Variants in ERC2 observed in about 807,000 individuals in gnomAD.
ERC2 encodes ELKS/RAB6-interacting/CAST family member 2, also known as ERC protein 2.
A neutral mutation model predicts 114.8 loss-of-function variants in ERC2; 42 were observed. The observed-to-expected ratio is 0.37, with a 90% CI of 0.29 to 0.47. The LOEUF (loss-of-function observed/expected upper bound fraction) is 0.47, where lower values mean the gene tolerates loss of function less well. Among genes scored for constraint, ERC2 ranks in the 20% least tolerant of loss-of-function variants. The probability of loss-of-function intolerance (pLI) is 0.99; values close to 1 mark genes in which losing one functional copy is unlikely to be tolerated. For missense variants in ERC2, 939 were observed against 1,150.7 expected (o/e 0.82, Z 2.66); for synonymous variants, 454 against 425.5 (o/e 1.07, Z -0.82).
intron 3 of ERC2, among the ~76,000 whole-genome samples, chr3:56,200,482 C>G (rs1292617736): frequency 6.6e-6 from 1 of 152,206 alleles, no homozygotes; most frequent in Non-Finnish European, 1.5e-5. Context: ...AGAAAGTGTT[C>G]CTATCCTCAT....
intron 17 of ERC2, among the ~76,000 whole-genome samples, chr3:55,545,452 G>A (rs1152117): frequency 0.34 from 51,856 of 152,098 alleles, 10,426 homozygotes; most frequent in East Asian, 0.62. Flanking sequence ...GCTGTGCGTC[G>A]GATCACGTGG....
At chr3:55,684,940 T>A (rs932800953) in intron 16 of ERC2, among the ~76,000 whole-genome samples, 7 of 152,210 alleles carry the variant, frequency 4.6e-5, no homozygotes, top group African/African-American at 1.7e-4. Context: ...GAACATTTTC[T>A]CATTATTTGA....
chr3:55,729,456 T>G (rs115313661), intron 15 of ERC2, among the ~76,000 whole-genome samples: 137 of 152,344 alleles, frequency 9.0e-4, no homozygotes, highest in African/African-American at 3.2e-3. Context: ...ACTCCTGTTT[T>G]GCCTTATACT....
At chr3:55,535,374 G>A (rs2053934234) in intron 17 of ERC2, among the ~76,000 whole-genome samples, 1 of 152,224 alleles carries the variant, frequency 6.6e-6, no homozygotes, top group Non-Finnish European at 1.5e-5. Flanking sequence ...GCTTGTGTGA[G>A]TGCCAGCAGG....
At chr3:56,363,611 G>C (rs1335691131) in intron 2 of ERC2, among the ~76,000 whole-genome samples, 1 of 152,066 alleles carries the variant, frequency 6.6e-6, no homozygotes, top group Non-Finnish European at 1.5e-5. Context: ...TTGAAAAAAG[G>C]GTGAATACAG....
intron 13 of ERC2, among the ~76,000 whole-genome samples, chr3:55,933,715 C>T (rs1480766452): frequency 1.3e-5 from 2 of 152,208 alleles, no homozygotes; most frequent in East Asian, 1.9e-4. Flanking sequence ...ATTTCCTCCT[C>T]AGTCACCTCA....
Position 55,672,834 on chromosome 3 carries a change from T to C in ERC2, c.*39+10960A>G, listed in dbSNP as rs113242255. Reference sequence around the variant, plus strand: ...GCCATGGAAATGCAACCCAGCTACATAAAGCTCCTGCAGGCTTCGGGGCGT... The same window carrying C: ...GCCATGGAAATGCAACCCAGCTACACAAAGCTCCTGCAGGCTTCGGGGCGT... On this transcript the variant is annotated intron_variant, in intron 17 of 17. Transcript: ENST00000288221. Among the ~76,000 whole-genome samples, 231 of 152,234 alleles carry C rather than the reference T, an allele frequency of 1.5e-3. 2 individuals carry two copies. The highest frequency in any genetic ancestry group is 5.4e-3 in the African/African-American group (224 of 41,570).
intron 17 of ERC2, among the ~76,000 whole-genome samples, chr3:55,650,858 T>C (rs562589787): frequency 6.6e-6 from 1 of 151,770 alleles, no homozygotes; most frequent in African/African-American, 2.4e-5. Flanking sequence ...TTTTCTTTTT[T>C]TTTTTAGATG....
intron 6 of ERC2, among the ~76,000 whole-genome samples, chr3:56,103,743 GTATCTATCTATCTATCTATCTATC>G (rs58839474): frequency 1.3e-5 from 2 of 149,058 alleles, no homozygotes; most frequent in Admixed American, 6.7e-5. Context: ...AACTAGAAGT[GTATCTATCTATCTATCTATCTATC>G]TATCTATCTA....
intron 7 of ERC2, among the ~76,000 whole-genome samples, chr3:56,045,456 T>A (rs1338725769): frequency 6.6e-6 from 1 of 152,112 alleles, no homozygotes; most frequent in Non-Finnish European, 1.5e-5. Flanking sequence ...AGAGCCCAGT[T>A]TTGAATAGCC....
chr3:56,352,839 G>C (rs1003860687), intron 2 of ERC2, among the ~76,000 whole-genome samples: 3 of 152,090 alleles, frequency 2.0e-5, no homozygotes, highest in Admixed American at 2.0e-4. Flanking sequence ...CTTTTGATTG[G>C]AGATTACCCT....
At chr3:55,960,348 T>C (rs2068273571) in intron 12 of ERC2, among the ~76,000 whole-genome samples, 1 of 152,200 alleles carries the variant, frequency 6.6e-6, no homozygotes, top group Non-Finnish European at 1.5e-5. Flanking sequence ...CAGCAGCTCC[T>C]TCCCACTGGA....
Position 55,834,893 on chromosome 3 carries a change from C to T in ERC2, c.2564+53496G>A, listed in dbSNP as rs537351076. ...AGAAAAGAGAGAAGAATCAAATAGA[C>T]GCAATAAAAAATGATCAAGGGGATA... On this transcript the variant is annotated intron_variant, in intron 14 of 17. Coordinates refer to ENST00000288221, the MANE Select transcript of ERC2 (RefSeq NM_015576.3). 7.1e-3 allele frequency among the ~76,000 whole-genome samples: 1,031 copies of T among 145,966 alleles called. 14 individuals carry two copies. The highest frequency in any genetic ancestry group is 0.026 in the African/African-American group (969 of 37,486).
intron 14 of ERC2, among the ~76,000 whole-genome samples, chr3:55,753,258 T>C (rs769848302): frequency 2.4e-4 from 36 of 152,088 alleles, no homozygotes; most frequent in Non-Finnish European, 4.3e-4. Flanking sequence ...CTATAAGGCA[T>C]AGAAAACAGA....
intron 13 of ERC2, among the ~76,000 whole-genome samples, chr3:55,937,025 C>T (rs748150331): frequency 7.9e-5 from 12 of 152,158 alleles, no homozygotes; most frequent in Middle Eastern, 3.2e-3. Flanking sequence ...TCTTAACCCA[C>T]GTGGTAAAAA....
In ERC2 at chr3:56,007,224, T is replaced by C. The variant is rs776763018; in HGVS notation, c.2018A>G (p.Gln673Arg). 1.3e-6 allele frequency: 2 copies of C among 1,580,078 alleles called. No homozygotes were observed. The highest frequency in any genetic ancestry group is 1.7e-6 in the Non-Finnish European group (2 of 1,161,314). The change falls in exon 10 of 18, where the codon CAA becomes CGA. Residue 673 changes from glutamine to arginine, a missense_variant. Physicochemically the swap from Gln to Arg is conservative, Grantham distance 43. This residue lies in a region of ERC2 where 328 missense variants were observed against 353.9 expected (regional missense o/e 0.93). Transcript: ENST00000288221. ...CAATTTGCTACATTCCTCTTTCTTTTGTTCAATGGCTATTTCTAGAGATTT... is the reference window on the plus strand; with the variant it reads ...CAATTTGCTACATTCCTCTTTCTTTCGTTCAATGGCTATTTCTAGAGATTT... ...KLKSLEIAIE[Q>R]KKEECSKLEA...
At chr3:56,164,558 G>C (rs1169330774) in intron 4 of ERC2, among the ~76,000 whole-genome samples, 1 of 152,066 alleles carries the variant, frequency 6.6e-6, no homozygotes, top group African/African-American at 2.4e-5. Context: ...GTGAACACTT[G>C]TGGATAGTGT....
intron 3 of ERC2, among the ~76,000 whole-genome samples, chr3:56,199,857 G>A (rs983767538): frequency 6.6e-6 from 1 of 152,088 alleles, no homozygotes; most frequent in African/African-American, 2.4e-5. Context: ...GTGGAGAATG[G>A]ATGAAGGAGA....
Position 56,393,977 on chromosome 3 carries a change from T to C in ERC2, c.657+40374A>G, listed in dbSNP as rs202016751. Among the ~76,000 whole-genome samples the C allele has an allele frequency of 7.2e-5, 11 of 152,192 alleles. No individual in the cohort carries two copies. The East Asian group carries it at 2.1e-3, about 29-fold the overall frequency. ...AAAAAGGAATTCTCTTTTGCTCCCC[T>C]GCAATTTTACTCCATCCAGTGGCCT... On this transcript the variant is annotated intron_variant, in intron 2 of 17. Transcript: ENST00000288221.
Sources: gnomAD v4.1 joint callset for allele counts (sites outside exome capture counted in the v4.1 genomes callset) on GRCh38, gnomAD v4.1.1 for gene constraint, gnomAD v4.1.1 regional missense constraint, MANE v1.5 for transcripts, NCBI Gene and HGNC (gene_info 2026-07-23, HGNC 2026-07-21) for gene names.